The following ADCK5 variants were observed in gnomAD, a reference collection of about 807,000 sequenced individuals.
The protein encoded by ADCK5 is aarF domain containing kinase 5.
Under a neutral mutation model 64.9 loss-of-function variants are expected in ADCK5, and 43 were observed. That is an observed-to-expected ratio of 0.66 (90% CI 0.52 to 0.85). ADCK5 has a LOEUF of 0.85. ADCK5 is among the 40% of genes least tolerant of loss of function. The probability of loss-of-function intolerance (pLI) is 0.00; values close to 1 mark genes in which losing one functional copy is unlikely to be tolerated. For synonymous variants in ADCK5, 434 were observed against 342.8 expected, an observed-to-expected ratio of 1.27 and a Z score of -2.94; for missense variants, 760 against 810.5, an observed-to-expected ratio of 0.94 and a Z score of 0.76.
chr8:144,389,462 C>T (rs1431901091), intron 3 of ADCK5: 5 of 406,934 alleles, frequency 1.2e-5, no homozygotes, highest in Non-Finnish European at 2.5e-5. Context: ...CTGTCCCCTA[C>T]CCCATCTCAC....
intron 3 of ADCK5, among the ~76,000 whole-genome samples, chr8:144,385,791 G>A (rs1254205699): frequency 1.3e-5 from 2 of 151,018 alleles, no homozygotes; most frequent in Non-Finnish European, 3.0e-5. Context: ...GTGAAACCCC[G>A]TCTCTACTAA....
chr8:144,374,103 G>A lies in ADCK5; in HGVS notation c.8G>A (p.Arg3Gln). 8.0e-7 allele frequency: 1 copy of A among 1,248,428 alleles called. No individual in the cohort carries two copies. The highest frequency in any genetic ancestry group is 1.0e-6 in the Non-Finnish European group (1 of 988,832). 77.3% of individuals were successfully genotyped at this position (1,248,428 alleles called of 1,614,324 possible). MW[R>Q]PVQLCHFHSA... ...GCGGAGCAGTGGTCGGAGATGTGGCGACCGGTGAGGACTCTCCCGGCCCGG... is the reference window on the plus strand; with the variant it reads ...GCGGAGCAGTGGTCGGAGATGTGGCAACCGGTGAGGACTCTCCCGGCCCGG... Residue 3 changes from arginine (R) to glutamine (Q), a missense_variant, in exon 1 of 15, where the codon CGA becomes CAA. Around this residue, in one of 2 missense-constraint regions of ADCK5, gnomAD observed 427 missense variants for 518.4 expected, o/e 0.82. Coordinates refer to ENST00000308860, the MANE Select transcript of ADCK5 (RefSeq NM_174922.5).
intron 12 of ADCK5, 38 bp downstream of exon 12, chr8:144,392,383 G>T: frequency 1.3e-6 from 2 of 1,487,200 alleles, no homozygotes; most frequent in South Asian, 2.6e-5. Context: ...ACCACAGAAG[G>T]GAGTCGGGCG....
intron 1 of ADCK5, chr8:144,375,536 ATCC>A (rs1819328079): frequency 1.0e-6 from 1 of 985,264 alleles, no homozygotes; most frequent in Admixed American, 6.2e-5. Flanking sequence ...TGGGAGCTGC[ATCC>A]TCCTCATCTG....
chr8:144,391,876 G>C lies in ADCK5; in HGVS notation c.1014+10G>C. 2 of 1,593,406 alleles carry C rather than the reference G, an allele frequency of 1.3e-6. No individual in the cohort carries two copies. Among genetic ancestry groups the C allele is most frequent in the South Asian group, 1.1e-5 (1 of 88,624 alleles). ...GCTGGCAGTGCATGACGTGAGTGCG[G>C]GGGGGCGGGGGCGGGTCAGGGCGGG... On this transcript the variant is annotated intron_variant, in intron 9 of 14. Coordinates refer to ENST00000308860, the MANE Select transcript of ADCK5 (RefSeq NM_174922.5).
At chr8:144,386,448 C>T (rs1382601555) in intron 3 of ADCK5, among the ~76,000 whole-genome samples, 1 of 151,484 alleles carries the variant, frequency 6.6e-6, no homozygotes, top group African/African-American at 2.4e-5. Context: ...ACCTCCATCT[C>T]CCGGGTTCAA....
At chr8:144,383,022 G>C in intron 2 of ADCK5, 59 bp from the exon 3 acceptor site, 1 of 1,555,674 alleles carries the variant, frequency 6.4e-7, no homozygotes, top group Non-Finnish European at 8.7e-7. Flanking sequence ...TGGGGGCAGA[G>C]ATCAGAGCCC....
chr8:144,385,418 A>G (rs7814545), intron 3 of ADCK5, among the ~76,000 whole-genome samples: 70,038 of 150,754 alleles, frequency 0.46, 17,558 homozygotes, highest in Middle Eastern at 0.68. Context: ...TCTTGACCTC[A>G]GGTGAACTGC....
At chr8:144,382,827 A>T (rs1168274402) in intron 2 of ADCK5, among the ~76,000 whole-genome samples, 2 of 152,184 alleles carry the variant, frequency 1.3e-5, no homozygotes. Context: ...CCCATGGCCC[A>T]TTGGCTGCGT....
chr8:144,383,190 AG>A lies in ADCK5; in HGVS notation c.228del (p.Met77CysfsTer15). On this transcript the variant is annotated frameshift_variant, in exon 3 of 15. Coordinates refer to ENST00000308860, the MANE Select transcript of ADCK5 (RefSeq NM_174922.5). LOFTEE classifies it high-confidence loss of function. ...YVMAEAREKR[R>X]MRLVVDGMGR... ...CATGGCAGAGGCACGGGAGAAGAGGAGGATGCGGCTCGTGGTGGATGGCATG... is the reference window on the plus strand; with the variant it reads ...CATGGCAGAGGCACGGGAGAAGAGGAGATGCGGCTCGTGGTGGATGGCATG... The A allele has an allele frequency of 6.2e-7, 1 of 1,600,874 alleles. No homozygotes were observed. Among genetic ancestry groups the A allele is most frequent in the South Asian group, 1.1e-5 (1 of 88,914 alleles).
chr8:144,392,982 G>T lies in ADCK5; in HGVS notation c.1651G>T (p.Ala551Ser). The T allele has an allele frequency of 1.3e-6, 2 of 1,588,708 alleles. No homozygotes were observed. Residue 551 changes from alanine (A) to serine (S), a missense_variant, in exon 15 of 15, where the codon GCC becomes TCC. Physicochemically the swap from Ala to Ser is moderately conservative, Grantham distance 99 (BLOSUM62 1). This residue lies in a region of ADCK5 where 333 missense variants were observed against 292.0 expected (regional missense o/e 1.14). Coordinates refer to ENST00000308860, the MANE Select transcript of ADCK5 (RefSeq NM_174922.5). ...FEVALRLETL[A>S]MRLTALLARA... ...TGACCCACGCAGGCTGGAGACCTTGGCCATGCGGCTGACCGCCCTCCTGGC... is the reference window on the plus strand; with the variant it reads ...TGACCCACGCAGGCTGGAGACCTTGTCCATGCGGCTGACCGCCCTCCTGGC...
In ADCK5 at chr8:144,392,557, C is replaced by A. The variant is rs984334789; in HGVS notation, c.1380C>A (p.Arg460=). 1 of 1,566,954 alleles carries A rather than the reference C, an allele frequency of 6.4e-7. No homozygotes were observed. Among genetic ancestry groups the A allele is most frequent in the Non-Finnish European group, 8.6e-7 (1 of 1,162,296 alleles). ...EEAAYMVDMA[R]ERFEAVMAVL... is the part of the protein sequence containing the mutation. The stretch of plus-strand genomic sequence containing the variant: ...CGGCCTACATGGTGGACATGGCCCG[C>A]GAGCGCTTCGAGGCCGTCATGGCGG... Residue 460 remains arginine (R), a synonymous_variant, in exon 13 of 15, where the codon CGC becomes CGA. Transcript: ENST00000308860.
At chr8:144,382,963 A>G in intron 2 of ADCK5, 118 bp from the exon 3 acceptor site, 5 of 1,391,194 alleles carry the variant, frequency 3.6e-6, no homozygotes, top group Non-Finnish European at 4.9e-6. Context: ...TGCTGACCAC[A>G]CGTCAGAATG....
At chr8:144,392,196 G>T in intron 11 of ADCK5, 26 bp downstream of exon 11, 1 of 1,457,130 alleles carries the variant, frequency 6.9e-7, no homozygotes, top group Non-Finnish European at 9.3e-7. Flanking sequence ...TGGGCGTGGG[G>T]CAGGGCAAGC....
At position 144,392,904 on chromosome 8, in the gene ADCK5, C is replaced by T. The variant is rs1554861629; in HGVS notation, c.1637+12C>T. On this transcript the variant is annotated intron_variant, in intron 14 of 14. Coordinates refer to ENST00000308860, the MANE Select transcript of ADCK5 (RefSeq NM_174922.5). ...GAAGTGGCGCTCAGGTGAGTGGCCG[C>T]GGGGCAGGTGGGTGGCGGGGGCCTG... 1.3e-6 allele frequency: 2 copies of T among 1,599,132 alleles called. No homozygotes were observed. The highest frequency in any genetic ancestry group is 2.2e-5 in the East Asian group (1 of 44,512).
Position 144,390,928 on chromosome 8 carries a change from A to G in ADCK5, c.415A>G (p.Ile139Val), listed in dbSNP as rs782449120. ...GGCTGATGCCCTGGTGGCAGGGGCC[A>G]TCAGCAACGGGGGCCTCTACGTGAA... ...RAADALVAGA[I>V]SNGGLYVKLG... The change falls in exon 5 of 15, where the codon ATC becomes GTC. Residue 139 changes from isoleucine to valine, a missense_variant. Coordinates refer to ENST00000308860, the MANE Select transcript of ADCK5 (RefSeq NM_174922.5). 3.5e-5 allele frequency: 56 copies of G among 1,612,848 alleles called. 1 individual carries two copies. In the South Asian group the frequency reaches 5.6e-4, roughly 16 times the overall value.
chr8:144,389,325 C>T (rs1304622310), intron 3 of ADCK5: 2 of 456,444 alleles, frequency 4.4e-6, no homozygotes, highest in African/African-American at 4.0e-5. Context: ...CCTAGTGGAC[C>T]TCAGGCTGCA....
chr8:144,391,405 C>T lies in ADCK5; in HGVS notation c.729C>T (p.His243=). 1 of 1,613,278 alleles carries T rather than the reference C, an allele frequency of 6.2e-7. No individual in the cohort carries two copies. Among genetic ancestry groups the T allele is most frequent in the Non-Finnish European group, 8.5e-7 (1 of 1,180,024 alleles). ...DLRDRFDGDI[H]TLELLLRLVE... is the part of the protein sequence containing the mutation. The stretch of plus-strand genomic sequence containing the variant: ...GGGACCGCTTTGATGGGGACATCCA[C>T]ACCCTGGAGCTCCTGCTGCGGCTCG... Residue 243 remains histidine, a synonymous_variant, in exon 7 of 15, where the codon CAC becomes CAT. Coordinates refer to ENST00000308860, the MANE Select transcript of ADCK5 (RefSeq NM_174922.5).
At chr8:144,388,027 C>T (rs570138544) in intron 3 of ADCK5, among the ~76,000 whole-genome samples, 5 of 152,152 alleles carry the variant, frequency 3.3e-5, no homozygotes, top group East Asian at 3.9e-4. Context: ...CCACCACACC[C>T]GGCCTCCAAC....
Sources: allele counts gnomAD v4.1 joint callset (sites outside exome capture counted in the v4.1 genomes callset), GRCh38; gene constraint gnomAD v4.1.1; regional missense constraint gnomAD v4.1.1; transcripts MANE v1.5; gene names NCBI Gene and HGNC (gene_info 2026-07-23, HGNC 2026-07-21).